The following SIPA1L1 variants were observed in gnomAD, a reference collection of about 807,000 sequenced individuals.
SIPA1L1 encodes the protein signal induced proliferation associated 1 like 1, also known as signal-induced proliferation-associated 1-like protein 1.
A neutral mutation model predicts 162.7 loss-of-function variants in SIPA1L1; 26 were observed. The observed-to-expected ratio is 0.16, with a 90% CI of 0.12 to 0.22. The LOEUF (loss-of-function observed/expected upper bound fraction) is 0.22. SIPA1L1 is among the 10% of genes least tolerant of loss of function. The pLI, the probability that SIPA1L1 is intolerant of heterozygous loss-of-function variation, is 1.00. For missense variants in SIPA1L1, 1,874 were observed against 2,241.0 expected (o/e 0.84, Z 3.31); for synonymous variants, 829 against 837.4 (o/e 0.99, Z 0.17).
intron 3 of SIPA1L1, among the ~76,000 whole-genome samples, chr14:71,525,488 T>G (rs2145092527): frequency 6.6e-6 from 1 of 152,344 alleles, no homozygotes; most frequent in Middle Eastern, 3.4e-3. Context: ...CAGCCTGTAG[T>G]GACTAGATTT....
rs573354265 is a variant in SIPA1L1, at chr14:71,434,571, G to A, written c.-464-78172G>A. Among the ~76,000 whole-genome samples the A allele has an allele frequency of 4.6e-5, 7 of 151,946 alleles. No individual in the cohort carries two copies. The South Asian group carries it at 1.5e-3, about 32-fold the overall frequency. ...CAGAAATGCCACATTTCATTTATAC[G>A]TATGCTCTTTTGTTTGGTTTTGTTT... On this transcript the variant is annotated intron_variant, in intron 2 of 23. Transcript: ENST00000381232.
chr14:71,334,329 G>A (rs1594863329), intron 2 of SIPA1L1, among the ~76,000 whole-genome samples: 1 of 152,298 alleles, frequency 6.6e-6, no homozygotes, highest in Non-Finnish European at 1.5e-5. Context: ...TGTGTCCTTT[G>A]TGGTCTCCTT....
At chr14:71,462,496 G>A (rs1016455907) in intron 2 of SIPA1L1, among the ~76,000 whole-genome samples, 5 of 152,180 alleles carry the variant, frequency 3.3e-5, no homozygotes, top group Non-Finnish European at 7.4e-5. Flanking sequence ...TGTTGCCTCC[G>A]AAATCCAAAT....
chr14:71,409,688 G>A (rs369232094), intron 2 of SIPA1L1, among the ~76,000 whole-genome samples: 1 of 152,158 alleles, frequency 6.6e-6, no homozygotes, highest in South Asian at 2.1e-4. Context: ...TTGTAGTTTT[G>A]TAGGAGAATG....
Position 71,730,260 on chromosome 14 carries a change from TGAG to T in SIPA1L1, c.4825_4827del (p.Arg1609del). The T allele has an allele frequency of 1.2e-6, 2 of 1,614,174 alleles. No homozygotes were observed. Among genetic ancestry groups the T allele is most frequent in the Non-Finnish European group, 1.7e-6 (2 of 1,180,038 alleles). ...CCTTCTCTCCCCAAGTCGCTCCCGT[TGAG>T]GAGGCCTTCTTACACCTTAGGAATG... On this transcript the variant is annotated inframe_deletion, in exon 20 of 24. Transcript: ENST00000381232.
At chr14:71,404,980 T>C (rs1038670672) in intron 2 of SIPA1L1, among the ~76,000 whole-genome samples, 2 of 152,238 alleles carry the variant, frequency 1.3e-5, no homozygotes, top group African/African-American at 4.8e-5. Context: ...AATGTACAAT[T>C]TTAAGCTCTA....
chr14:71,640,604 A>C (rs1344506281), intron 7 of SIPA1L1, among the ~76,000 whole-genome samples: 2 of 152,198 alleles, frequency 1.3e-5, no homozygotes, highest in African/African-American at 4.8e-5. Context: ...CAAATCTGTA[A>C]AACAATTATA....
intron 2 of SIPA1L1, among the ~76,000 whole-genome samples, chr14:71,384,750 T>G (rs573099615): frequency 7.2e-5 from 11 of 152,336 alleles, no homozygotes; most frequent in African/African-American, 2.6e-4. Context: ...TCTTTGGATA[T>G]TCTCTAAAAT....
chr14:71,389,608 A>G (rs2040591450), intron 2 of SIPA1L1, among the ~76,000 whole-genome samples: 1 of 152,204 alleles, frequency 6.6e-6, no homozygotes, highest in East Asian at 1.9e-4. Context: ...TGTAGATTGC[A>G]GGGGACAAGT....
chr14:71,354,309 A>G (rs2037019898), intron 2 of SIPA1L1, among the ~76,000 whole-genome samples: 1 of 146,940 alleles, frequency 6.8e-6, no homozygotes, highest in Admixed American at 6.9e-5. Context: ...AGATGGAGTC[A>G]CGCTCTGTTG....
At chr14:71,517,490 A>G (rs766818987) in intron 3 of SIPA1L1, among the ~76,000 whole-genome samples, 50 of 152,140 alleles carry the variant, frequency 3.3e-4, no homozygotes, top group Non-Finnish European at 6.3e-4. Flanking sequence ...TTCTGTGGGT[A>G]TAAACAATTA....
intron 12 of SIPA1L1, among the ~76,000 whole-genome samples, chr14:71,682,766 T>G (rs1420310309): frequency 1.3e-5 from 2 of 152,238 alleles, no homozygotes; most frequent in African/African-American, 4.8e-5. Flanking sequence ...CTTGTCTGTT[T>G]GATATTATGT....
At chr14:71,381,406 C>T (rs528865794) in intron 2 of SIPA1L1, among the ~76,000 whole-genome samples, 33 of 151,870 alleles carry the variant, frequency 2.2e-4, no homozygotes, top group Admixed American at 1.9e-3. Context: ...CCTTCATATT[C>T]GTATATTTGA....
At chr14:71,617,953 G>A (rs2039015883) in intron 5 of SIPA1L1, among the ~76,000 whole-genome samples, 1 of 152,124 alleles carries the variant, frequency 6.6e-6, no homozygotes, top group Non-Finnish European at 1.5e-5. Context: ...AGATGTATAT[G>A]CACAGTAAAT....
intron 12 of SIPA1L1, among the ~76,000 whole-genome samples, chr14:71,679,551 A>T (rs1181329049): frequency 2.6e-5 from 4 of 152,238 alleles, no homozygotes; most frequent in African/African-American, 9.6e-5. Context: ...ACCAGCTAAC[A>T]TCATAATGAC....
intron 17 of SIPA1L1, among the ~76,000 whole-genome samples, chr14:71,722,128 G>C (rs753331375): frequency 6.6e-6 from 1 of 152,210 alleles, no homozygotes; most frequent in Non-Finnish European, 1.5e-5. Context: ...TGCCAGGGGT[G>C]GGGGAGGGAG....
chr14:71,455,342 A>G (rs1161928412), intron 2 of SIPA1L1, among the ~76,000 whole-genome samples: 2 of 152,218 alleles, frequency 1.3e-5, no homozygotes, highest in East Asian at 3.9e-4. Context: ...GCTTTTTTTC[A>G]TCCCTTTTCT....
At chr14:71,487,941 A>G (rs1276780474) in intron 2 of SIPA1L1, among the ~76,000 whole-genome samples, 1 of 152,202 alleles carries the variant, frequency 6.6e-6, no homozygotes, top group Non-Finnish European at 1.5e-5. Context: ...TTTTCCAGGG[A>G]ACTGGGGGAG....
At chr14:71,678,681 T>C (rs909359581) in intron 12 of SIPA1L1, among the ~76,000 whole-genome samples, 1 of 152,120 alleles carries the variant, frequency 6.6e-6, no homozygotes, top group Non-Finnish European at 1.5e-5. Context: ...GGATTCCCTC[T>C]TTTTCTATTG....
Sources: gnomAD v4.1 joint callset for allele counts (sites outside exome capture counted in the v4.1 genomes callset) on GRCh38, gnomAD v4.1.1 for gene constraint, MANE v1.5 for transcripts, NCBI Gene and HGNC (gene_info 2026-07-23, HGNC 2026-07-21) for gene names.